P2RY8: variants seen among roughly 807,000 people sequenced by gnomAD.
P2RY8 encodes P2Y receptor family member 8, also known as S-geranylgeranyl-glutathione receptor P2RY8.
P2RY8 carries 6 observed loss-of-function variants against 10.0 expected under a neutral mutation model. The observed-to-expected ratio is 0.60, with a 90% CI of 0.33 to 1.19. The LOEUF is 1.19. Ranked by LOEUF, P2RY8 falls within the 50% of genes most tolerant of loss-of-function variation. P2RY8 has a pLI of 0.04. For synonymous variants in P2RY8, 276 were observed against 252.5 expected (o/e 1.09, Z -0.88); for missense variants, 456 against 542.0 (o/e 0.84, Z 1.58).
chrX:1,514,623 T>TC, intron 1 of P2RY8, among the ~76,000 whole-genome samples: 1 of 58,990 alleles, frequency 1.7e-5, no homozygotes, highest in Non-Finnish European at 3.5e-5. Flanking sequence ...TCCCTTCCCT[T>TC]CCTTTTCCTT....
At chrX:1,508,219 G>A (rs1376003915) in intron 1 of P2RY8, among the ~76,000 whole-genome samples, 59 of 152,168 alleles carry the variant, frequency 3.9e-4, no homozygotes, top group Admixed American at 3.9e-3. Flanking sequence ...GCAGTCAGCT[G>A]GGGAGGTGGC....
At chrX:1,467,360 G>A (rs2091700725) in intron 1 of P2RY8, among the ~76,000 whole-genome samples, 1 of 152,258 alleles carries the variant, frequency 6.6e-6, no homozygotes, top group African/African-American at 2.4e-5. Flanking sequence ...AAAATGGCCC[G>A]GAGTTTTCGT....
chrX:1,471,292 G>A (rs1482127977), intron 1 of P2RY8, among the ~76,000 whole-genome samples: 1 of 139,282 alleles, frequency 7.2e-6, no homozygotes, highest in Non-Finnish European at 1.5e-5. Context: ...ACAGACGTGA[G>A]CCACCGCGCC....
chrX:1,466,253 G>A lies in P2RY8; in HGVS notation c.306C>T (p.Ala102=), dbSNP rs764946887. Residue 102 remains alanine (A), a synonymous_variant, in exon 2 of 2, where the codon GCC becomes GCT. Transcript: ENST00000381297. The part of the protein sequence containing the change: ...GVLLCNVVTV[A]FYANMYSSIL... ...TGCTGGAATACATGTTTGCGTAAAA[G>A]GCCACGGTCACCACGTTGCAAAGCA... 2 of 1,613,860 alleles carry A rather than the reference G, an allele frequency of 1.2e-6. No individual in the cohort carries two copies. The highest frequency in any genetic ancestry group is 1.7e-4 in the Middle Eastern group (1 of 6,056).
intron 1 of P2RY8, among the ~76,000 whole-genome samples, chrX:1,505,880 G>A (rs2092228273): frequency 6.6e-6 from 1 of 151,642 alleles, no homozygotes; most frequent in Non-Finnish European, 1.5e-5. Flanking sequence ...CTACCCCTGT[G>A]TAAAATTCCT....
At chrX:1,482,537 A>G (rs1411265261) in intron 1 of P2RY8, among the ~76,000 whole-genome samples, 1 of 152,168 alleles carries the variant, frequency 6.6e-6, no homozygotes, top group Non-Finnish European at 1.5e-5. Context: ...TGCTCTAGAC[A>G]TGAAGTCCTT....
intron 1 of P2RY8, among the ~76,000 whole-genome samples, chrX:1,483,995 A>G (rs1433892957): frequency 1.3e-5 from 2 of 151,732 alleles, no homozygotes; most frequent in African/African-American, 4.8e-5. Context: ...CCCTAAACCC[A>G]AAGCTGGGCT....
chrX:1,505,342 T>G (rs2092222365), intron 1 of P2RY8, among the ~76,000 whole-genome samples: 1 of 152,100 alleles, frequency 6.6e-6, no homozygotes, highest in South Asian at 2.1e-4. Context: ...CACCGGCCTT[T>G]CCGTTGGCCT....
Position 1,535,216 on chromosome X carries a change from C to A in P2RY8, c.-25+1705G>T, listed in dbSNP as rs1185105776. ...TTTTTTTTTTTTTTTGAGACAGAGT[C>A]TCACTCTGTCACCCAGGCTGGAGTG... On this transcript the variant is annotated intron_variant, in intron 1 of 1. Transcript: ENST00000381297. 1.0e-4 allele frequency among the ~76,000 whole-genome samples: 10 copies of A among 98,588 alleles called. No homozygotes were observed. The Admixed American group carries it at 1.6e-3, about 16-fold the overall frequency. The allele number at this position is 98,588 out of a possible 152,430, so 64.7% of individuals were successfully genotyped here.
At chrX:1,492,939 G>A (rs1320923827) in intron 1 of P2RY8, among the ~76,000 whole-genome samples, 1 of 151,904 alleles carries the variant, frequency 6.6e-6, no homozygotes, top group South Asian at 2.1e-4. Flanking sequence ...ACACACCCCC[G>A]CCTCCATGTC....
chrX:1,505,096 C>CCACTGCA lies in P2RY8; in HGVS notation c.-25+31818_-25+31824dup, dbSNP rs1288703361. 2.8e-5 allele frequency among the ~76,000 whole-genome samples: 4 copies of CCACTGCA among 144,342 alleles called. No individual in the cohort carries two copies. In the Admixed American group the frequency reaches 2.9e-4, roughly 10 times the overall value. 94.7% of individuals were successfully genotyped at this position (144,342 alleles called of 152,430 possible). On this transcript the variant is annotated intron_variant, in intron 1 of 1. Transcript: ENST00000381297. ...GAGGTTGCAGTGAGCCGAGATCGTA[C>CCACTGCA]CACTGCACTCCAGCCTGGGTGACAG...
chrX:1,533,579 A>G (rs1603458798), intron 1 of P2RY8, among the ~76,000 whole-genome samples: 1 of 4,614 alleles, frequency 2.2e-4, no homozygotes. Context: ...ATTTAAATAT[A>G]TTATATACTT....
At position 1,483,893 on chromosome X, in the gene P2RY8, C is replaced by A. The variant is rs754512992; in HGVS notation, c.-24-17311G>T. ...GGGCTGCCTTAGACCAAAAGCTGGGCTCTCCTAAACCCAAACCTGAGCTCC... is the reference window on the plus strand; with the variant it reads ...GGGCTGCCTTAGACCAAAAGCTGGGATCTCCTAAACCCAAACCTGAGCTCC... On this transcript the variant is annotated intron_variant, in intron 1 of 1. Coordinates refer to ENST00000381297, the MANE Select transcript of P2RY8 (RefSeq NM_178129.5). Among the ~76,000 whole-genome samples the A allele has an allele frequency of 2.6e-5, 4 of 151,776 alleles. No homozygotes were observed. The East Asian group carries it at 7.8e-4, about 30-fold the overall frequency.
chrX:1,522,452 G>A (rs1190416053), intron 1 of P2RY8, among the ~76,000 whole-genome samples: 3 of 152,050 alleles, frequency 2.0e-5, no homozygotes, highest in Non-Finnish European at 4.4e-5. Flanking sequence ...GACAAGGCTC[G>A]GAATCGTCGT....
intron 1 of P2RY8, among the ~76,000 whole-genome samples, chrX:1,523,059 A>G (rs1193202525): frequency 6.7e-6 from 1 of 150,226 alleles, no homozygotes; most frequent in Non-Finnish European, 1.5e-5. Context: ...ACAGAGAGAG[A>G]CTCCATCCCC....
chrX:1,471,470 T>TTC (rs1379502495), intron 1 of P2RY8, among the ~76,000 whole-genome samples: 69 of 151,042 alleles, frequency 4.6e-4, no homozygotes, highest in African/African-American at 1.6e-3. Context: ...AGCCCATTTT[T>TTC]TTTTTTTAAT....
At position 1,481,984 on chromosome X, in the gene P2RY8, C is replaced by T. The variant is rs1277378140; in HGVS notation, c.-24-15402G>A. The stretch of plus-strand genomic sequence containing the variant: ...CCAGCGAGATTTGCATGCTGTCCTC[C>T]GCAGACGCCCCGTGGAGATTTTGAT... On this transcript the variant is annotated intron_variant, in intron 1 of 1. Transcript: ENST00000381297. Among the ~76,000 whole-genome samples the T allele has an allele frequency of 5.9e-5, 9 of 152,294 alleles. No homozygotes were observed. The South Asian group carries it at 1.9e-3, about 32-fold the overall frequency.
At chrX:1,510,955 G>A (rs1410555828) in intron 1 of P2RY8, among the ~76,000 whole-genome samples, 2 of 151,976 alleles carry the variant, frequency 1.3e-5, no homozygotes, top group South Asian at 2.1e-4. Flanking sequence ...AAGGCGGGTG[G>A]ATCACGGGGT....
Position 1,462,979 on chromosome X carries a change from A to C in P2RY8, c.*2500T>G, listed in dbSNP as rs1340837250. On this transcript the variant is annotated 3_prime_UTR_variant, in exon 2 of 2. Coordinates refer to ENST00000381297, the MANE Select transcript of P2RY8 (RefSeq NM_178129.5). The stretch of plus-strand genomic sequence containing the variant: ...GGCTGCAAAAATCATCATACTGACA[A>C]AAAAAAAAAATCGACGCATTTTGCC... 68 of 36,218 alleles carry C rather than the reference A, an allele frequency of 1.9e-3. 1 individual carries two copies. In the Admixed American group the frequency reaches 0.026, roughly 14 times the overall value. 2.2% of individuals were successfully genotyped at this position (36,218 alleles called of 1,614,324 possible).
Sources: gnomAD v4.1 joint callset for allele counts (sites outside exome capture counted in the v4.1 genomes callset) on GRCh38, gnomAD v4.1.1 for gene constraint, MANE v1.5 for transcripts, NCBI Gene and HGNC (gene_info 2026-07-23, HGNC 2026-07-21) for gene names.